Variants in SMIM3 observed in about 807,000 individuals in gnomAD.
SMIM3 encodes the protein small integral membrane protein 3.
SMIM3 carries 4 observed loss-of-function variants against 2.1 expected under a neutral mutation model. The observed-to-expected ratio is 1.89, with a 90% CI of 0.93 to 4.31. SMIM3 has a LOEUF of 4.31. SMIM3 is among the 30% of genes most tolerant of loss of function. The probability of loss-of-function intolerance (pLI) is 0.01; values close to 1 mark genes in which losing one functional copy is unlikely to be tolerated. For missense variants in SMIM3, 79 were observed against 77.7 expected, an observed-to-expected ratio of 1.02 and a Z score of -0.06; for synonymous variants, 29 against 30.8, an observed-to-expected ratio of 0.94 and a Z score of 0.19.
Position 150,795,785 on chromosome 5 carries a change from C to T in SMIM3, c.*162C>T, listed in dbSNP as rs1166798340. On this transcript the variant is annotated 3_prime_UTR_variant, in exon 2 of 2. Transcript: ENST00000526627. ...GTGTGAATTTGGTCAAGGGACCTAA[C>T]TCTCTGAGTTCCAGGTTCCTTATCT... 1 of 706,172 alleles carries T rather than the reference C, an allele frequency of 1.4e-6. No homozygotes were observed. The highest frequency in any genetic ancestry group is 2.3e-6 in the Non-Finnish European group (1 of 433,952). The allele number at this position is 706,172 out of a possible 1,614,324, so 43.7% of individuals were successfully genotyped here. A position where few individuals can be genotyped will look rare whatever the true frequency, so the allele number is the denominator to read the frequency against.
In SMIM3 at chr5:150,796,059, C is replaced by A. The variant is rs772549328; in HGVS notation, c.*436C>A. ...CCCTCAGGTCAAACCAAGCCAAGAG[C>A]ACCCTGTCCCCATTCCAAGGGGCCA... is the stretch of plus-strand genomic sequence containing the variant. On this transcript the variant is annotated 3_prime_UTR_variant, in exon 2 of 2. Transcript: ENST00000526627. 6.0e-6 allele frequency: 1 copy of A among 166,576 alleles called. No homozygotes were observed. The highest frequency in any genetic ancestry group is 1.3e-5 in the Non-Finnish European group (1 of 76,250). 10.3% of individuals were successfully genotyped at this position (166,576 alleles called of 1,614,324 possible).
chr5:150,783,717 T>C (rs1054893984), intron 1 of SMIM3, among the ~76,000 whole-genome samples: 5 of 152,308 alleles, frequency 3.3e-5, no homozygotes, highest in Middle Eastern at 6.8e-3. Context: ...TGGATAACCA[T>C]TGGCAAGCTC....
At chr5:150,788,707 C>T (rs925125853) in intron 1 of SMIM3, among the ~76,000 whole-genome samples, 1 of 151,714 alleles carries the variant, frequency 6.6e-6, no homozygotes, top group Admixed American at 6.6e-5. Flanking sequence ...CTTTTCCCCC[C>T]ACCTTATATT....
Position 150,795,645 on chromosome 5 carries a change from T to A in SMIM3, c.*22T>A, listed in dbSNP as rs1179961114. The A allele has an allele frequency of 1.3e-6, 2 of 1,537,070 alleles. No homozygotes were observed. The highest frequency in any genetic ancestry group is 2.7e-5 in the African/African-American group (2 of 73,040). Reference sequence around the variant, plus strand: ...TTGAGAGCCTCCCAAGAGGGCCGGGTGAGGGATGAGGACAGGCATCCTATC... The same window carrying A: ...TTGAGAGCCTCCCAAGAGGGCCGGGAGAGGGATGAGGACAGGCATCCTATC... On this transcript the variant is annotated 3_prime_UTR_variant, in exon 2 of 2. Transcript: ENST00000526627.
chr5:150,795,396 C>A (rs148659385), intron 1 of SMIM3, 34 bp from the exon 2 acceptor site: 3 of 1,606,216 alleles, frequency 1.9e-6, no homozygotes, highest in East Asian at 4.5e-5. Flanking sequence ...GGAGAGAGTA[C>A]GCAACAGTGA....
chr5:150,781,843 A>AG (rs1196852275), intron 1 of SMIM3, among the ~76,000 whole-genome samples: 3 of 152,234 alleles, frequency 2.0e-5, no homozygotes, highest in Admixed American at 6.5e-5. Flanking sequence ...ACTGGCAAAT[A>AG]GCAATGATGG....
At chr5:150,791,129 A>G (rs887827418) in intron 1 of SMIM3, among the ~76,000 whole-genome samples, 1 of 152,208 alleles carries the variant, frequency 6.6e-6, no homozygotes, top group African/African-American at 2.4e-5. Context: ...GGTAACCACT[A>G]TTAACACTTT....
intron 1 of SMIM3, among the ~76,000 whole-genome samples, chr5:150,794,543 T>C (rs889007485): frequency 6.6e-6 from 1 of 152,212 alleles, no homozygotes; most frequent in Admixed American, 6.5e-5. Flanking sequence ...TGGAGTCTAT[T>C]ATTCTAAGTG....
chr5:150,779,829 A>ACCCAC, intron 1 of SMIM3, among the ~76,000 whole-genome samples: 1 of 111,024 alleles, frequency 9.0e-6, no homozygotes. Flanking sequence ...GAAAGGTGTA[A>ACCCAC]CCCCCCCCGC....
intron 1 of SMIM3, among the ~76,000 whole-genome samples, chr5:150,794,756 G>A (rs961408184): frequency 6.6e-6 from 1 of 152,152 alleles, no homozygotes; most frequent in Non-Finnish European, 1.5e-5. Context: ...TTTTTTAACA[G>A]CACCCTAGGT....
In SMIM3 at chr5:150,784,148, A is replaced by C. The variant is rs115341608; in HGVS notation, c.-12+5176A>C. Among the ~76,000 whole-genome samples the C allele has an allele frequency of 5.5e-3, 843 of 151,930 alleles. 7 individuals carry two copies. Among genetic ancestry groups the C allele is most frequent in the African/African-American group, 0.02 (818 of 41,412 alleles). Reference sequence around the variant, plus strand: ...TGGCCAGGATGGTCTCCATCTCTTGACCTTGTGATTTAGGAACGATGCCGG... The same window carrying C: ...TGGCCAGGATGGTCTCCATCTCTTGCCCTTGTGATTTAGGAACGATGCCGG... On this transcript the variant is annotated intron_variant, in intron 1 of 1. Coordinates refer to ENST00000526627, the MANE Select transcript of SMIM3 (RefSeq NM_032947.5).
At position 150,781,741 on chromosome 5, in the gene SMIM3, C is replaced by T. The variant is rs186732050; in HGVS notation, c.-12+2769C>T. On this transcript the variant is annotated intron_variant, in intron 1 of 1. Transcript: ENST00000526627. The stretch of plus-strand genomic sequence containing the variant: ...ATTGAGGCAAGGCACTACCACCGCC[C>T]GGTGCTCTTGCAGCTCTGTCACGGA... Among the ~76,000 whole-genome samples, 24 of 151,708 alleles carry T rather than the reference C, an allele frequency of 1.6e-4. No individual in the cohort carries two copies. In the East Asian group the frequency reaches 2.3e-3, roughly 15 times the overall value.
intron 1 of SMIM3, among the ~76,000 whole-genome samples, chr5:150,779,829 A>AACCCCC (rs1753212584): frequency 9.0e-6 from 1 of 111,020 alleles, no homozygotes; most frequent in Admixed American, 9.5e-5. Context: ...GAAAGGTGTA[A>AACCCCC]CCCCCCCCGC....
intron 1 of SMIM3, among the ~76,000 whole-genome samples, chr5:150,781,412 G>A (rs1319507538): frequency 6.6e-6 from 1 of 152,220 alleles, no homozygotes; most frequent in Non-Finnish European, 1.5e-5. Flanking sequence ...TAGGTAGTTA[G>A]GAAGGGGAAC....
chr5:150,795,687 C>T lies in SMIM3; in HGVS notation c.*64C>T. The T allele has an allele frequency of 6.7e-7, 1 of 1,502,208 alleles. No homozygotes were observed. The highest frequency in any genetic ancestry group is 8.9e-7 in the Non-Finnish European group (1 of 1,121,520). The allele number at this position is 1,502,208 out of a possible 1,614,324, so 93.1% of individuals were successfully genotyped here. On this transcript the variant is annotated 3_prime_UTR_variant, in exon 2 of 2. Coordinates refer to ENST00000526627, the MANE Select transcript of SMIM3 (RefSeq NM_032947.5). The stretch of plus-strand genomic sequence containing the variant: ...CATCCTATCCCCAGCCTCTTCCTGT[C>T]TTCAGAAAAGCAGCAGGAGGGACTT...
intron 1 of SMIM3, among the ~76,000 whole-genome samples, chr5:150,785,179 C>T (rs1378310358): frequency 6.7e-6 from 1 of 150,274 alleles, no homozygotes; most frequent in Non-Finnish European, 1.5e-5. Context: ...CCTCTGCCTC[C>T]CAGGTTCAAG....
intron 1 of SMIM3, among the ~76,000 whole-genome samples, chr5:150,784,188 C>T: frequency 6.6e-6 from 1 of 152,156 alleles, no homozygotes; most frequent in East Asian, 1.9e-4. Flanking sequence ...ACTAGCTCAG[C>T]TTAACTTCGT....
At chr5:150,783,445 G>A (rs1013508801) in intron 1 of SMIM3, among the ~76,000 whole-genome samples, 1 of 152,226 alleles carries the variant, frequency 6.6e-6, no homozygotes, top group Non-Finnish European at 1.5e-5. Flanking sequence ...GAAGAGTCAT[G>A]TATCTTTGGA....
chr5:150,785,722 A>G (rs977898329), intron 1 of SMIM3, among the ~76,000 whole-genome samples: 1 of 151,294 alleles, frequency 6.6e-6, no homozygotes, highest in Admixed American at 6.6e-5. Context: ...AGCTGGGACT[A>G]CAGACGTGTG....
Sources: gnomAD v4.1 joint callset for allele counts (sites outside exome capture counted in the v4.1 genomes callset) on GRCh38, gnomAD v4.1.1 for gene constraint, MANE v1.5 for transcripts, NCBI Gene and HGNC (gene_info 2026-07-23, HGNC 2026-07-21) for gene names.